The following MYO3B variants were observed in gnomAD, a reference collection of about 807,000 sequenced individuals.
MYO3B encodes the protein myosin IIIB, also known as myosin-IIIb.
In MYO3B, 156 loss-of-function variants were observed where a neutral mutation model predicts 174.6. The ratio of observed to expected loss-of-function variants is 0.89; its 90% CI spans 0.78 to 1.02. The LOEUF is 1.02. Among genes scored for constraint, MYO3B ranks in the 50% least tolerant of loss-of-function variants. The pLI is 0.00. For synonymous variants in MYO3B, 563 were observed against 569.1 expected (o/e 0.99, Z 0.15); for missense variants, 1,632 against 1,639.4 (o/e 1.00, Z 0.08).
intron 7 of MYO3B, among the ~76,000 whole-genome samples, chr2:170,305,809 A>G (rs1198282252): frequency 1.3e-5 from 2 of 152,088 alleles, no homozygotes; most frequent in Non-Finnish European, 2.9e-5. Flanking sequence ...GGTGATCTCA[A>G]ACTCCTGGGC....
intron 22 of MYO3B, among the ~76,000 whole-genome samples, chr2:170,432,826 C>T (rs1251470097): frequency 1.3e-5 from 2 of 152,078 alleles, no homozygotes; most frequent in East Asian, 1.9e-4. Context: ...CCACCTGCCT[C>T]GGCCTCCTAA....
chr2:170,458,164 A>C (rs928621191), intron 23 of MYO3B, among the ~76,000 whole-genome samples: 1 of 152,246 alleles, frequency 6.6e-6, no homozygotes, highest in Non-Finnish European at 1.5e-5. Context: ...CTTCGATATG[A>C]TTGGCAGCGC....
chr2:170,445,802 TA>T (rs869097038), intron 23 of MYO3B, among the ~76,000 whole-genome samples: 4 of 152,054 alleles, frequency 2.6e-5, no homozygotes, highest in Non-Finnish European at 5.9e-5. Flanking sequence ...CCTGGCTAAC[TA>T]AAAAAAATTT....
At chr2:170,300,526 G>A (rs1314476339) in intron 7 of MYO3B, among the ~76,000 whole-genome samples, 1 of 152,148 alleles carries the variant, frequency 6.6e-6, no homozygotes, top group African/African-American at 2.4e-5. Context: ...CTAGGAGGCT[G>A]GTAATGAGGC....
intron 25 of MYO3B, among the ~76,000 whole-genome samples, chr2:170,468,873 G>A (rs1684801529): frequency 6.6e-6 from 1 of 152,174 alleles, no homozygotes; most frequent in Non-Finnish European, 1.5e-5. Context: ...ACATAGGGCT[G>A]AGTCAGGCTG....
intron 1 of MYO3B, among the ~76,000 whole-genome samples, chr2:170,184,996 G>T (rs866136419): frequency 4.6e-5 from 7 of 151,892 alleles, no homozygotes; most frequent in African/African-American, 1.7e-4. Context: ...ATCTGTTTAG[G>T]TCATTTGTTC....
intron 32 of MYO3B, among the ~76,000 whole-genome samples, chr2:170,608,095 A>T (rs1694922670): frequency 6.6e-6 from 1 of 152,202 alleles, no homozygotes; most frequent in Non-Finnish European, 1.5e-5. Flanking sequence ...GAGGTTTCCT[A>T]TTCTAAGTTA....
chr2:170,642,501 T>G (rs917316969), intron 32 of MYO3B, among the ~76,000 whole-genome samples: 2 of 152,180 alleles, frequency 1.3e-5, no homozygotes, highest in Admixed American at 6.5e-5. Flanking sequence ...AGAAAATCTC[T>G]CTTTCTGGTT....
rs1338728207 is a variant in MYO3B, at chr2:170,261,567, GTT to G, written c.749+25434_749+25435del. 2.0e-5 allele frequency among the ~76,000 whole-genome samples: 3 copies of G among 152,134 alleles called. 1 individual carries two copies. Among genetic ancestry groups the G allele is most frequent in the Admixed American group, 2.0e-4 (3 of 15,286 alleles). ...TTTCAATGGTCATCAGTACATGTGT[GTT>G]TTAAGTAGGGAGACTGCCAGTACAC... is the stretch of plus-strand genomic sequence containing the variant. On this transcript the variant is annotated intron_variant, in intron 7 of 34. Transcript: ENST00000408978.
chr2:170,203,774 C>T (rs937990939), intron 3 of MYO3B, among the ~76,000 whole-genome samples: 1 of 152,090 alleles, frequency 6.6e-6, no homozygotes, highest in Non-Finnish European at 1.5e-5. Context: ...GAAAGTACTG[C>T]AGCATTGAAC....
chr2:170,481,366 C>G lies in MYO3B; in HGVS notation c.3014+14655C>G, dbSNP rs542622061. On this transcript the variant is annotated intron_variant, in intron 25 of 34. Transcript: ENST00000408978. ...CCAGGAGGCCAAGGTGGGTGGATCA[C>G]TTGAGCCCAGTCATTCGAGACCTGC... is the stretch of plus-strand genomic sequence containing the variant. 4.0e-4 allele frequency among the ~76,000 whole-genome samples: 61 copies of G among 152,268 alleles called. No homozygotes were observed. The Middle Eastern group carries it at 0.014, about 34-fold the overall frequency.
At chr2:170,254,876 C>G (rs1241483207) in intron 7 of MYO3B, among the ~76,000 whole-genome samples, 2 of 152,202 alleles carry the variant, frequency 1.3e-5, no homozygotes, top group Non-Finnish European at 2.9e-5. Context: ...CCCTGAACAC[C>G]TGGAATCGTG....
intron 9 of MYO3B, among the ~76,000 whole-genome samples, chr2:170,374,010 T>C (rs11674021): frequency 0.29 from 44,408 of 151,988 alleles, 6,661 homozygotes; most frequent in East Asian, 0.41. Flanking sequence ...TAGCATCCTA[T>C]TGTAGTGAAG....
At chr2:170,419,284 C>T (rs532773733) in intron 22 of MYO3B, among the ~76,000 whole-genome samples, 32 of 152,296 alleles carry the variant, frequency 2.1e-4, no homozygotes, top group Middle Eastern at 3.4e-3. Context: ...GCTGCCAGAA[C>T]AAATTAACAC....
Position 170,501,866 on chromosome 2 carries a change from G to A in MYO3B, c.3370+1G>A, listed in dbSNP as rs201014922. 2 of 1,600,098 alleles carry A rather than the reference G, an allele frequency of 1.2e-6. No homozygotes were observed. Among genetic ancestry groups the A allele is most frequent in the Non-Finnish European group, 1.7e-6 (2 of 1,168,674 alleles). On this transcript the variant is annotated splice_donor_variant, in intron 28 of 34. Coordinates refer to ENST00000408978, the MANE Select transcript of MYO3B (RefSeq NM_138995.5). LOFTEE classifies it high-confidence loss of function. ...GAGTCTGCTGCTCATAATCAAGCAG[G>A]TAATTAAAACATCATTTTCACAGTG...
At chr2:170,578,247 C>G (rs143349530) in intron 32 of MYO3B, among the ~76,000 whole-genome samples, 7 of 152,262 alleles carry the variant, frequency 4.6e-5, no homozygotes, top group African/African-American at 1.4e-4. Flanking sequence ...CTCTTGGGGT[C>G]GTGATGTCTG....
intron 6 of MYO3B, among the ~76,000 whole-genome samples, chr2:170,235,131 T>A (rs1400553296): frequency 6.6e-6 from 1 of 152,220 alleles, no homozygotes; most frequent in African/African-American, 2.4e-5. Flanking sequence ...ATGTTTTGGA[T>A]CATCAGACAT....
intron 7 of MYO3B, among the ~76,000 whole-genome samples, chr2:170,291,937 T>C (rs1472602882): frequency 6.6e-6 from 1 of 152,106 alleles, no homozygotes; most frequent in Non-Finnish European, 1.5e-5. Context: ...CTGTTTGGTG[T>C]TCTTTGACCT....
chr2:170,507,950 A>G (rs1003923872), intron 28 of MYO3B, among the ~76,000 whole-genome samples: 3 of 152,204 alleles, frequency 2.0e-5, no homozygotes, highest in East Asian at 3.8e-4. Flanking sequence ...CTCCTTTGCT[A>G]TGGAATAAAA....
Sources: gnomAD v4.1 joint callset for allele counts (sites outside exome capture counted in the v4.1 genomes callset) on GRCh38, gnomAD v4.1.1 for gene constraint, MANE v1.5 for transcripts, NCBI Gene and HGNC (gene_info 2026-07-23, HGNC 2026-07-21) for gene names.